ENTPD6: variants seen among roughly 807,000 people sequenced by gnomAD.
The protein encoded by ENTPD6 is CD39 antigen-like 2.
ENTPD6 carries 46 observed loss-of-function variants against 61.5 expected under a neutral mutation model. The observed-to-expected ratio is 0.75, with a 90% CI of 0.59 to 0.96. The LOEUF (loss-of-function observed/expected upper bound fraction) is 0.96, where lower values mean the gene tolerates loss of function less well. Among genes scored for constraint, ENTPD6 ranks in the 40% least tolerant of loss-of-function variants. The pLI is 0.00. For missense variants in ENTPD6, 612 were observed against 629.0 expected (o/e 0.97, Z 0.29); for synonymous variants, 252 against 255.5 (o/e 0.99, Z 0.13).
chr20:25,225,601 C>A lies in ENTPD6; in HGVS notation c.*4C>A. ...ACAGAAGAGTCCAGCCTCATAGTGG[C>A]CGAGCCATCCCTGTCCCCGTCAGCA... On this transcript the variant is annotated 3_prime_UTR_variant, in exon 15 of 15. Coordinates refer to ENST00000376652, the MANE Select transcript of ENTPD6 (RefSeq NM_001247.5). The A allele has an allele frequency of 6.2e-7, 1 of 1,611,400 alleles. No individual in the cohort carries two copies. The highest frequency in any genetic ancestry group is 8.5e-7 in the Non-Finnish European group (1 of 1,177,868).
At chr20:25,223,021 A>AGGGGGGGGGGGGGG in intron 12 of ENTPD6, 43 bp downstream of exon 12, 8 of 488,008 alleles carry the variant, frequency 1.6e-5, no homozygotes, top group Non-Finnish European at 2.7e-5. Context: ...TCGGGGCGGC[A>AGGGGGGGGGGGGGG]GGGGGCGGGG....
chr20:25,198,773 G>A (rs2090759958), intron 1 of ENTPD6, among the ~76,000 whole-genome samples: 1 of 152,116 alleles, frequency 6.6e-6, no homozygotes, highest in African/African-American at 2.4e-5. Context: ...GCCTTAATGT[G>A]CATCATTCCC....
At chr20:25,218,029 C>T (rs959640489) in intron 9 of ENTPD6, among the ~76,000 whole-genome samples, 40 of 144,606 alleles carry the variant, frequency 2.8e-4, no homozygotes, top group African/African-American at 8.6e-4. Flanking sequence ...AATGTGTCTA[C>T]AGTATACGCA....
intron 1 of ENTPD6, among the ~76,000 whole-genome samples, chr20:25,205,369 G>T (rs2091388488): frequency 1.3e-5 from 2 of 152,198 alleles, no homozygotes; most frequent in Non-Finnish European, 2.9e-5. Flanking sequence ...AGTGTGGTGG[G>T]ACAAGTATTC....
chr20:25,221,063 G>A lies in ENTPD6; in HGVS notation c.944-169G>A, dbSNP rs73339096. Reference sequence around the variant, plus strand: ...GGTAGCGGTGTGCTTCCTGGCCAACGAGGCTTTGCTGCCACTTCCCAGGGA... The same window carrying A: ...GGTAGCGGTGTGCTTCCTGGCCAACAAGGCTTTGCTGCCACTTCCCAGGGA... On this transcript the variant is annotated intron_variant, in intron 10 of 14. Transcript: ENST00000376652. Among the ~76,000 whole-genome samples, 1,142 of 152,352 alleles carry A rather than the reference G, an allele frequency of 7.5e-3. 16 individuals are homozygous for A. The highest frequency in any genetic ancestry group is 0.026 in the African/African-American group (1,092 of 41,576).
intron 4 of ENTPD6, among the ~76,000 whole-genome samples, chr20:25,212,583 G>T (rs2122952952): frequency 6.6e-6 from 1 of 152,334 alleles, no homozygotes; most frequent in Non-Finnish European, 1.5e-5. Context: ...GGCCAGGGAT[G>T]GTGGCTGACA....
Position 25,215,701 on chromosome 20 carries a change from C to A in ENTPD6, c.699C>A (p.Asn233Lys), listed in dbSNP as rs1183283789. The A allele has an allele frequency of 6.2e-7, 1 of 1,614,136 alleles. No individual in the cohort carries two copies. Among genetic ancestry groups the A allele is most frequent in the Non-Finnish European group, 8.5e-7 (1 of 1,180,052 alleles). ...GCGTTTCGGCGTGGATCACCATCAA[C>A]TTCCTGACAGGTGTGTGCACACTGC... ...DEGVSAWITI[N>K]FLTGSLKTPG... is the part of the protein sequence containing the mutation. Residue 233 changes from asparagine (N) to lysine (K), a missense_variant, in exon 7 of 15, where the codon AAC (asparagine) becomes AAA (lysine). By Grantham distance (94) the Asn-to-Lys change is moderately conservative. Transcript: ENST00000376652.
chr20:25,225,436 C>T, intron 14 of ENTPD6, 63 bp from the exon 15 acceptor site: 4 of 1,582,434 alleles, frequency 2.5e-6, no homozygotes, highest in Admixed American at 1.7e-5. Flanking sequence ...GAGCCACAGC[C>T]TCCTGATGCA....
intron 9 of ENTPD6, 37 bp from the exon 10 acceptor site, chr20:25,218,513 C>T: frequency 6.3e-7 from 1 of 1,577,542 alleles, no homozygotes; most frequent in East Asian, 2.3e-5. Flanking sequence ...CTGTACCTGC[C>T]ATGGCAGCTG....
rs567896772 is a variant in ENTPD6 at position 25,195,750 on chromosome 20, C to T, written c.-133C>T. 4 of 857,490 alleles carry T rather than the reference C, an allele frequency of 4.7e-6. No individual in the cohort carries two copies. Among genetic ancestry groups the T allele is most frequent in the South Asian group, 5.8e-5 (1 of 17,160 alleles). 53.1% of individuals were successfully genotyped at this position (857,490 alleles called of 1,614,324 possible). A position where few individuals can be genotyped will look rare whatever the true frequency, so the allele number is the denominator to read the frequency against. On this transcript the variant is annotated 5_prime_UTR_variant, in exon 1 of 15. Coordinates refer to ENST00000376652, the MANE Select transcript of ENTPD6 (RefSeq NM_001247.5). ...CCTAGGGAATCGTGGGGTCGTATCC[C>T]GCGGGTGGAGGCCGGGGTGGCGCCG...
intron 10 of ENTPD6, among the ~76,000 whole-genome samples, 187 bp downstream of exon 10, chr20:25,218,801 T>C (rs914019021): frequency 2.0e-5 from 3 of 151,988 alleles, no homozygotes; most frequent in African/African-American, 7.3e-5. Context: ...AGTGGAGGGG[T>C]GTGCTGCAGA....
chr20:25,225,067 C>T, intron 13 of ENTPD6, 138 bp from the exon 14 acceptor site: 5 of 1,390,922 alleles, frequency 3.6e-6, no homozygotes, highest in Non-Finnish European at 4.8e-6. Flanking sequence ...GCCTTCTGCG[C>T]TCAGCTGCGG....
intron 3 of ENTPD6, among the ~76,000 whole-genome samples, chr20:25,207,936 T>TTC (rs1488018468): frequency 6.6e-6 from 1 of 152,166 alleles, no homozygotes; most frequent in Non-Finnish European, 1.5e-5. Flanking sequence ...GGTGGGCGGC[T>TTC]TCTCTTGAGG....
intron 1 of ENTPD6, chr20:25,197,340 A>G: frequency 2.6e-6 from 2 of 762,944 alleles, no homozygotes; most frequent in Non-Finnish European, 3.2e-6. Context: ...CACCTGCTGG[A>G]GGGTGGCCTC....
chr20:25,216,936 A>G (rs918929924), intron 8 of ENTPD6, among the ~76,000 whole-genome samples, 200 bp downstream of exon 8: 8 of 152,132 alleles, frequency 5.3e-5, no homozygotes, highest in Admixed American at 1.3e-4. Flanking sequence ...TTTTAATTCC[A>G]CCAGGAAAAA....
chr20:25,198,097 A>G (rs895127912), intron 1 of ENTPD6, among the ~76,000 whole-genome samples: 10 of 152,072 alleles, frequency 6.6e-5, no homozygotes, highest in African/African-American at 2.4e-4. Context: ...GTAAATAAGG[A>G]GCAACTTTGC....
chr20:25,206,959 G>C, intron 2 of ENTPD6, 117 bp from the exon 3 acceptor site: 1 of 879,544 alleles, frequency 1.1e-6, no homozygotes, highest in Non-Finnish European at 1.8e-6. Flanking sequence ...TGATTCCTGG[G>C]GGGAACACGG....
At chr20:25,219,074 G>A (rs2092506237) in intron 10 of ENTPD6, among the ~76,000 whole-genome samples, 1 of 152,202 alleles carries the variant, frequency 6.6e-6, no homozygotes, top group African/African-American at 2.4e-5. Flanking sequence ...TAGAGACGGG[G>A]TTTCACCATG....
chr20:25,198,960 CTGTTTCAG>C (rs1198293146), intron 1 of ENTPD6, among the ~76,000 whole-genome samples: 3 of 152,218 alleles, frequency 2.0e-5, no homozygotes, highest in African/African-American at 7.2e-5. Context: ...CCCAGATGAC[CTGTTTCAG>C]TTCATGGCCA....
Sources: gnomAD v4.1 joint callset for allele counts (sites outside exome capture counted in the v4.1 genomes callset) on GRCh38, gnomAD v4.1.1 for gene constraint, MANE v1.5 for transcripts, NCBI Gene and HGNC (gene_info 2026-07-23, HGNC 2026-07-21) for gene names.